Variants in GRIK3 observed in about 807,000 individuals in gnomAD.
GRIK3 encodes the protein glutamate ionotropic receptor kainate type subunit 3.
Under a neutral mutation model 102.5 loss-of-function variants are expected in GRIK3, and 29 were observed. The ratio of observed to expected loss-of-function variants is 0.28; its 90% CI spans 0.21 to 0.39. GRIK3 has a LOEUF of 0.39. Among genes scored for constraint, GRIK3 ranks in the 10% least tolerant of loss-of-function variants. The probability of loss-of-function intolerance (pLI) is 1.00; values close to 1 mark genes in which losing one functional copy is unlikely to be tolerated. For synonymous variants in GRIK3, 511 were observed against 504.9 expected (o/e 1.01, Z -0.16); for missense variants, 908 against 1,252.4 (o/e 0.73, Z 4.15).
At chr1:37,013,425 T>C (rs1330501296) in intron 1 of GRIK3, among the ~76,000 whole-genome samples, 1 of 152,220 alleles carries the variant, frequency 6.6e-6, no homozygotes, top group African/African-American at 2.4e-5. Context: ...AGTGTGTGTA[T>C]GCCCTTCCTT....
chr1:36,808,156 C>G (rs1203826818), intron 13 of GRIK3, among the ~76,000 whole-genome samples: 1 of 152,214 alleles, frequency 6.6e-6, no homozygotes, highest in African/African-American at 2.4e-5. Flanking sequence ...TCTTCTGCCT[C>G]CCCCAATGTT....
intron 3 of GRIK3, among the ~76,000 whole-genome samples, chr1:36,873,210 G>A (rs1640862310): frequency 6.6e-6 from 1 of 152,100 alleles, no homozygotes; most frequent in Non-Finnish European, 1.5e-5. Context: ...TGGCACTCAG[G>A]TGGTACTCAA....
intron 1 of GRIK3, among the ~76,000 whole-genome samples, chr1:37,015,677 G>A (rs1311987687): frequency 1.3e-5 from 2 of 152,158 alleles, no homozygotes; most frequent in Non-Finnish European, 2.9e-5. Flanking sequence ...TCCTGTCTAG[G>A]GTGGGCAGGT....
chr1:36,962,925 A>G (rs574163799), intron 1 of GRIK3, among the ~76,000 whole-genome samples: 4 of 151,276 alleles, frequency 2.6e-5, no homozygotes, highest in Non-Finnish European at 5.9e-5. Context: ...GAAAGAGAAA[A>G]ATCTAGAGGG....
At chr1:36,918,217 C>G (rs1641423656) in intron 1 of GRIK3, among the ~76,000 whole-genome samples, 1 of 152,194 alleles carries the variant, frequency 6.6e-6, no homozygotes, top group South Asian at 2.1e-4. Context: ...ACCTATAGAA[C>G]CTATGTTCCA....
chr1:36,948,452 T>A lies in GRIK3; in HGVS notation c.116-57356A>T, dbSNP rs1641807974. ...TTCTAAGATGGAGGGGGAACCTATG[T>A]GCCTGGCTTCCTGCTGACAGTGCAC... On this transcript the variant is annotated intron_variant, in intron 1 of 15. Transcript: ENST00000373091. Among the ~76,000 whole-genome samples the A allele has an allele frequency of 2.0e-5, 3 of 152,180 alleles. No individual in the cohort carries two copies. The South Asian group carries it at 6.2e-4, about 32-fold the overall frequency.
chr1:36,816,353 A>C (rs1642628254), intron 13 of GRIK3, among the ~76,000 whole-genome samples: 1 of 152,114 alleles, frequency 6.6e-6, no homozygotes, highest in Non-Finnish European at 1.5e-5. Flanking sequence ...TTACTACTTT[A>C]ATTTCTGGGA....
chr1:36,811,071 C>T (rs185680440), intron 13 of GRIK3, among the ~76,000 whole-genome samples: 158 of 152,320 alleles, frequency 1.0e-3, no homozygotes, highest in Non-Finnish European at 1.7e-3. Flanking sequence ...ATCTGTAAAA[C>T]GGGTGTTGTA....
At chr1:36,912,446 C>A (rs916395044) in intron 1 of GRIK3, among the ~76,000 whole-genome samples, 6 of 151,962 alleles carry the variant, frequency 3.9e-5, no homozygotes, top group African/African-American at 1.5e-4. Flanking sequence ...CCTCTGCTGC[C>A]CACAGTGTAA....
intron 15 of GRIK3, 23 bp from the exon 16 acceptor site, chr1:36,802,068 G>GT (rs1251985076): frequency 1.3e-6 from 2 of 1,564,446 alleles, no homozygotes; most frequent in Non-Finnish European, 1.7e-6. Flanking sequence ...GGAGGAGAGG[G>GT]GTCGGAAAAG....
chr1:36,998,979 AGT>A (rs768062478), intron 1 of GRIK3, among the ~76,000 whole-genome samples: 1,721 of 127,782 alleles, frequency 0.013, 9 homozygotes, highest in Middle Eastern at 0.026. Context: ...GAACTTTGGA[AGT>A]GTGTGTGTGT....
At chr1:37,005,815 C>T (rs1201589780) in intron 1 of GRIK3, among the ~76,000 whole-genome samples, 3 of 152,162 alleles carry the variant, frequency 2.0e-5, no homozygotes, top group South Asian at 2.1e-4. Context: ...CCTCTGTCCC[C>T]GTGGAGTTAA....
At chr1:36,902,530 CA>C (rs1641242814) in intron 1 of GRIK3, among the ~76,000 whole-genome samples, 1 of 152,038 alleles carries the variant, frequency 6.6e-6, no homozygotes, top group Non-Finnish European at 1.5e-5. Context: ...CATCCACATG[CA>C]AAAAAGAATC....
chr1:36,841,194 C>T (rs967066284), intron 10 of GRIK3, among the ~76,000 whole-genome samples: 7 of 152,128 alleles, frequency 4.6e-5, no homozygotes, highest in African/African-American at 1.7e-4. Flanking sequence ...TCAGTCCTCT[C>T]CTGATCCCAG....
chr1:36,960,972 C>T (rs1376106506), intron 1 of GRIK3, among the ~76,000 whole-genome samples: 1 of 152,188 alleles, frequency 6.6e-6, no homozygotes, highest in East Asian at 1.9e-4. Context: ...TAGGTCACCA[C>T]CAAACAGCTT....
At chr1:36,863,449 C>A (rs1446635969) in intron 5 of GRIK3, among the ~76,000 whole-genome samples, 1 of 152,148 alleles carries the variant, frequency 6.6e-6, no homozygotes, top group Non-Finnish European at 1.5e-5. Context: ...AAGCTCTCCA[C>A]CCCTCCAGGC....
chr1:37,018,386 G>A (rs1386244710), intron 1 of GRIK3, among the ~76,000 whole-genome samples: 1 of 152,152 alleles, frequency 6.6e-6, no homozygotes, highest in Non-Finnish European at 1.5e-5. Flanking sequence ...CACTGGCCCC[G>A]ATTCTACTGG....
intron 1 of GRIK3, among the ~76,000 whole-genome samples, chr1:36,992,989 TG>T (rs913535837): frequency 6.6e-5 from 10 of 152,172 alleles, no homozygotes; most frequent in African/African-American, 2.4e-4. Flanking sequence ...CTTGGACATC[TG>T]GGTTCAATAA....
chr1:37,034,272 C>G lies in GRIK3; in HGVS notation c.-164G>C, dbSNP rs1193250025. The G allele has an allele frequency of 6.6e-6, 1 of 152,668 alleles. No homozygotes were observed. The highest frequency in any genetic ancestry group is 1.4e-5 in the Non-Finnish European group (1 of 69,598). The allele number at this position is 152,668 out of a possible 1,614,324, so 9.5% of individuals were successfully genotyped here. ...GGGCGCCCCGCGGCGCCGCGCACAT[C>G]TTACTGGGGGGCCGCCCCGCCGGCG... On this transcript the variant is annotated 5_prime_UTR_variant, in exon 1 of 16. Transcript: ENST00000373091.
Sources: allele counts gnomAD v4.1 joint callset (sites outside exome capture counted in the v4.1 genomes callset), GRCh38; gene constraint gnomAD v4.1.1; transcripts MANE v1.5; gene names NCBI Gene and HGNC (gene_info 2026-07-23, HGNC 2026-07-21).